The following PIN4 variants were observed in gnomAD, a reference collection of about 807,000 sequenced individuals.
PIN4 encodes peptidylprolyl cis/trans isomerase, NIMA-interacting 4, also known as peptidyl-prolyl cis-trans isomerase NIMA-interacting 4.
PIN4 carries 3 observed loss-of-function variants against 8.3 expected under a neutral mutation model. The ratio of observed to expected loss-of-function variants is 0.36; its 90% CI spans 0.16 to 0.93. PIN4 has a LOEUF of 0.93. Ranked by LOEUF, PIN4 falls within the 40% of genes least tolerant of loss-of-function variation. The pLI is 0.44. For missense variants in PIN4, 75 were observed against 100.6 expected, an observed-to-expected ratio of 0.75 and a Z score of 1.09; for synonymous variants, 18 against 32.5, an observed-to-expected ratio of 0.55 and a Z score of 1.52.
intron 3 of PIN4, among the ~76,000 whole-genome samples, chrX:72,233,147 AG>A (rs748023671): frequency 9.0e-6 from 1 of 111,700 alleles, no homozygotes; most frequent in Non-Finnish European, 1.9e-5. Context: ...AAAGTAGGAA[AG>A]TCAGATGTTA....
At chrX:72,199,675 A>G (rs1391487273), downstream of PIN4, among the ~76,000 whole-genome samples, 2 of 112,399 alleles carry the variant, frequency 1.8e-5, no homozygotes, top group Non-Finnish European at 3.8e-5. Flanking sequence ...CTAAGTGAAT[A>G]CCTATTGCAC....
In PIN4 at chrX:72,226,516, C is replaced by G. The variant is rs139385227; in HGVS notation, c.312+29612C>G. Reference sequence around the variant, plus strand: ...TCCATTCCAATGCCCAAATTTGGAGCGAGCGGGGCTATGTCACGGCTAAGG... The same window carrying G: ...TCCATTCCAATGCCCAAATTTGGAGGGAGCGGGGCTATGTCACGGCTAAGG... On this transcript the variant is annotated intron_variant, in intron 3 of 3. Coordinates refer to the PIN4 transcript ENST00000423432. 9.0e-3 allele frequency among the ~76,000 whole-genome samples: 1,007 copies of G among 112,107 alleles called. 5 individuals carry two copies. The highest frequency in any genetic ancestry group is 0.015 in the Admixed American group (157 of 10,556).
chrX:72,208,463 C>G (rs2042833839), intron 3 of PIN4: 7 of 1,211,633 alleles, frequency 5.8e-6, no homozygotes, highest in Non-Finnish European at 7.8e-6. Flanking sequence ...GCTATGCCTT[C>G]CTTCTGGTGC....
At chrX:72,188,559 A>G (rs990799859) in intron 2 of PIN4, among the ~76,000 whole-genome samples, 2 of 111,791 alleles carry the variant, frequency 1.8e-5, no homozygotes, top group Non-Finnish European at 3.8e-5. Flanking sequence ...AGGTTTCACC[A>G]TGTTGGCCAG....
Position 72,185,161 on chromosome X carries a change from A to AAAAAAAAAC in PIN4, c.44-1295_44-1294insAAACAAAAA, listed in dbSNP as rs1293962182. ...AGACTCCGTCTCAAAAAAAAAAAAA[A>AAAAAAAAAC]AAAAACAACTTTTCAATGGCTCCCT... is the stretch of plus-strand genomic sequence containing the variant. On this transcript the variant is annotated intron_variant, in intron 1 of 3. Transcript: ENST00000373669. Among the ~76,000 whole-genome samples the AAAAAAAAAC allele has an allele frequency of 4.8e-5, 5 of 104,197 alleles. 1 individual carries two copies. The highest frequency in any genetic ancestry group is 9.9e-5 in the Non-Finnish European group (5 of 50,519). The allele number at this position is 104,197 out of a possible 115,157, so 90.5% of individuals were successfully genotyped here.
At chrX:72,211,813 C>A (rs1435681946) in intron 3 of PIN4, among the ~76,000 whole-genome samples, 1 of 110,994 alleles carries the variant, frequency 9.0e-6, no homozygotes, top group African/African-American at 3.3e-5. Flanking sequence ...ATATTATATA[C>A]AAACAACTCC....
intron 3 of PIN4, among the ~76,000 whole-genome samples, chrX:72,233,323 C>T (rs1444470906): frequency 9.0e-6 from 1 of 111,569 alleles, no homozygotes; most frequent in African/African-American, 3.3e-5. Context: ...AAATCATTGT[C>T]ATAGAAATAA....
chrX:72,190,087 A>G (rs2042724038), intron 2 of PIN4, among the ~76,000 whole-genome samples: 1 of 109,023 alleles, frequency 9.2e-6, no homozygotes, highest in Admixed American at 9.9e-5. Flanking sequence ...CTCCTCACAG[A>G]CCCCCAAGCC....
chrX:72,200,881 C>G (rs2042787393), downstream of PIN4, among the ~76,000 whole-genome samples: 1 of 112,053 alleles, frequency 8.9e-6, no homozygotes, highest in African/African-American at 3.2e-5. Flanking sequence ...TGGCAGTTTG[C>G]CCAGCCTATG....
At chrX:72,199,286 G>C (rs2042781023), downstream of PIN4, among the ~76,000 whole-genome samples, 1 of 111,685 alleles carries the variant, frequency 9.0e-6, no homozygotes, top group Non-Finnish European at 1.9e-5. Flanking sequence ...TGTAATCCCA[G>C]CACTTTGGGA....
chrX:72,208,704 G>GAA, intron 3 of PIN4: 1 of 1,117,117 alleles, frequency 9.0e-7, no homozygotes, highest in Non-Finnish European at 1.2e-6. Context: ...CATATCTATA[G>GAA]AAAAAAAAAG....
intron 3 of PIN4, among the ~76,000 whole-genome samples, chrX:72,234,969 C>T (rs1408384430): frequency 1.8e-5 from 2 of 111,377 alleles, no homozygotes; most frequent in African/African-American, 3.3e-5. Flanking sequence ...TGCTTGACAT[C>T]GATATTGATG....
At position 72,196,901 on chromosome X, in the gene PIN4, A is replaced by AT; in HGVS notation, c.234_235insT (p.Gly79TrpfsTer3). ...AGTATAGTGAAGATAAAGCCAGGCA[A>AT]GGGGTATGTTGCTCTTATTATTTAT... On this transcript the variant is annotated frameshift_variant, in exon 3 of 4. Transcript: ENST00000373669. LOFTEE classifies it high-confidence loss of function. 8.4e-7 allele frequency: 1 copy of AT among 1,187,557 alleles called. No individual in the cohort carries two copies. The highest frequency in any genetic ancestry group is 1.1e-6 in the Non-Finnish European group (1 of 882,932).
chrX:72,208,086 G>A, intron 3 of PIN4: 2 of 1,211,412 alleles, frequency 1.7e-6, no homozygotes, highest in Non-Finnish European at 2.2e-6. Context: ...GTGCTTCATC[G>A]AGGATGACAT....
chrX:72,247,870 C>A (rs1013657032), intron 3 of PIN4, among the ~76,000 whole-genome samples: 1 of 111,622 alleles, frequency 9.0e-6, no homozygotes, highest in African/African-American at 3.2e-5. Context: ...GGGCCTTGAC[C>A]AGTCTGGGCC....
At chrX:72,202,883 C>A (rs769251902), downstream of PIN4, among the ~76,000 whole-genome samples, 4 of 111,609 alleles carry the variant, frequency 3.6e-5, no homozygotes, top group African/African-American at 1.3e-4. Flanking sequence ...GTCTTTGTCC[C>A]TGGTTCCTGG....
intron 3 of PIN4, among the ~76,000 whole-genome samples, chrX:72,250,677 G>A (rs1303369610): frequency 9.3e-6 from 1 of 107,628 alleles, no homozygotes; most frequent in Non-Finnish European, 1.9e-5. Flanking sequence ...AATGAGACCC[G>A]TCTCTACGAA....
intron 3 of PIN4, 187 bp downstream of exon 3, chrX:72,197,091 C>A: frequency 4.2e-6 from 2 of 473,756 alleles, no homozygotes; most frequent in Non-Finnish European, 6.9e-6. Flanking sequence ...CAGAAATGTC[C>A]AACTTGTAAA....
downstream of PIN4, among the ~76,000 whole-genome samples, chrX:72,202,139 A>G (rs2042792469): frequency 8.9e-6 from 1 of 112,883 alleles, no homozygotes; most frequent in African/African-American, 3.2e-5. Context: ...CCTGCTTCAC[A>G]TTCATGATGA....
Sources: gnomAD v4.1 joint callset for allele counts (sites outside exome capture counted in the v4.1 genomes callset) on GRCh38, gnomAD v4.1.1 for gene constraint, MANE v1.5 for transcripts, NCBI Gene and HGNC (gene_info 2026-07-23, HGNC 2026-07-21) for gene names.